HEATR5A: variants seen among roughly 807,000 people sequenced by gnomAD.
HEATR5A encodes the protein HEAT repeat containing 5A.
Under a neutral mutation model 218.8 loss-of-function variants are expected in HEATR5A, and 178 were observed. The observed-to-expected ratio is 0.81, with a 90% CI of 0.72 to 0.92. The LOEUF (loss-of-function observed/expected upper bound fraction) is 0.92. HEATR5A is among the 40% of genes least tolerant of loss of function. The pLI is 0.00. For missense variants in HEATR5A, 2,420 were observed against 2,418.9 expected, an observed-to-expected ratio of 1.00 and a Z score of -0.01; for synonymous variants, 864 against 871.6, an observed-to-expected ratio of 0.99 and a Z score of 0.15.
chr14:31,379,565 A>AT (rs1338345675), intron 11 of HEATR5A, among the ~76,000 whole-genome samples: 2 of 152,154 alleles, frequency 1.3e-5, no homozygotes, highest in Non-Finnish European at 2.9e-5. Flanking sequence ...CAGTTGTTTT[A>AT]TATCTAGCTA....
At chr14:31,350,837 G>T in intron 16 of HEATR5A, 120 bp from the exon 17 acceptor site, 1 of 606,552 alleles carries the variant, frequency 1.6e-6, no homozygotes, top group Non-Finnish European at 2.9e-6. Flanking sequence ...GAGTATACTG[G>T]CACCATCTCG....
intron 22 of HEATR5A, among the ~76,000 whole-genome samples, chr14:31,336,475 C>A (rs1039572672): frequency 6.6e-6 from 1 of 151,656 alleles, no homozygotes; most frequent in Non-Finnish European, 1.5e-5. Context: ...CAGGTGTGAG[C>A]CACCATACCT....
At chr14:31,336,999 G>C (rs1204751541) in intron 22 of HEATR5A, among the ~76,000 whole-genome samples, 1 of 152,170 alleles carries the variant, frequency 6.6e-6, no homozygotes, top group Admixed American at 6.5e-5. Flanking sequence ...GGATACTATA[G>C]GCAATTATAA....
At chr14:31,353,810 T>G (rs1901317433) in intron 16 of HEATR5A, among the ~76,000 whole-genome samples, 1 of 136,500 alleles carries the variant, frequency 7.3e-6, no homozygotes, top group Non-Finnish European at 1.7e-5. Context: ...CATTTTTTGT[T>G]TTTTTTTGAG....
intron 13 of HEATR5A, among the ~76,000 whole-genome samples, chr14:31,367,408 T>C (rs1046463824): frequency 7.9e-5 from 12 of 151,850 alleles, no homozygotes; most frequent in African/African-American, 2.9e-4. Flanking sequence ...TATTTATTTA[T>C]TTATTTTTTG....
chr14:31,375,698 C>G (rs1051167877), intron 11 of HEATR5A, among the ~76,000 whole-genome samples: 3 of 152,060 alleles, frequency 2.0e-5, no homozygotes, highest in Admixed American at 2.0e-4. Flanking sequence ...CATCTGTATT[C>G]TTGATCTTCA....
intron 1 of HEATR5A, among the ~76,000 whole-genome samples, chr14:31,410,241 C>CA (rs538835662): frequency 1.2e-3 from 178 of 152,306 alleles, no homozygotes; most frequent in Middle Eastern, 6.8e-3. Flanking sequence ...GTAACAGCTT[C>CA]AACTCACCCT....
intron 22 of HEATR5A, among the ~76,000 whole-genome samples, chr14:31,336,386 G>A (rs1175291374): frequency 6.6e-6 from 1 of 151,510 alleles, no homozygotes. Flanking sequence ...GAGCTAGTGT[G>A]TCTGGCCCCC....
At chr14:31,363,682 T>A (rs551561382) in intron 14 of HEATR5A, among the ~76,000 whole-genome samples, 12 of 152,038 alleles carry the variant, frequency 7.9e-5, no homozygotes, top group South Asian at 2.1e-4. Context: ...GGAGGTTTTT[T>A]AAAAAAAAGT....
At chr14:31,315,149 C>T (rs748296205) in intron 27 of HEATR5A, among the ~76,000 whole-genome samples, 22 of 151,458 alleles carry the variant, frequency 1.5e-4, no homozygotes, top group Non-Finnish European at 1.9e-4. Flanking sequence ...ACCCCAGCCT[C>T]GTCAACAGAG....
Position 31,400,490 on chromosome 14 carries a change from T to A in HEATR5A, c.149A>T (p.Lys50Met). The stretch of plus-strand genomic sequence containing the variant: ...AGACAGGAGCTGTTCAACAAGAGTC[T>A]TCTGTTTCTCCCTTACATCATTCTA... The part of the protein sequence containing the change: ...TSRNDVREKQ[K>M]TLVEQLLSLL... Residue 50 changes from lysine to methionine, a missense_variant, in exon 3 of 36, where the codon AAG becomes ATG. Coordinates refer to ENST00000543095, the MANE Select transcript of HEATR5A (RefSeq NM_015473.4). 6.5e-7 allele frequency: 1 copy of A among 1,535,242 alleles called. No homozygotes were observed.
rs753807998 is a variant in HEATR5A at position 31,347,891 on chromosome 14, C to T, written c.2725G>A (p.Asp909Asn). 8.6e-6 allele frequency: 13 copies of T among 1,514,838 alleles called. No homozygotes were observed. The highest frequency in any genetic ancestry group is 2.4e-5 in the East Asian group (1 of 40,930). The allele number at this position is 1,514,838 out of a possible 1,614,324, so 93.8% of individuals were successfully genotyped here. Residue 909 changes from aspartate to asparagine, a missense_variant, in exon 19 of 36, where the codon GAT becomes AAT. Transcript: ENST00000543095. ...GAGTGTCCTGTTCTGGTAACCACAT[C>T]CCTTGCTGATTTCAATCTGTAAATA... ...VSFDKLKSAR[D>N]VVTRTGHSLA...
chr14:31,332,847 A>C (rs1369298846), intron 22 of HEATR5A, among the ~76,000 whole-genome samples: 1 of 152,034 alleles, frequency 6.6e-6, no homozygotes, highest in Non-Finnish European at 1.5e-5. Context: ...TTAGCCAGGC[A>C]TGGTGGCGGG....
chr14:31,407,775 TCCA>T (rs2031134264), intron 1 of HEATR5A, among the ~76,000 whole-genome samples: 1 of 152,022 alleles, frequency 6.6e-6, no homozygotes, highest in South Asian at 2.1e-4. Flanking sequence ...ATTACAGGCA[TCCA>T]CCACCACACC....
intron 16 of HEATR5A, among the ~76,000 whole-genome samples, chr14:31,358,147 G>A (rs1234828197): frequency 1.3e-5 from 2 of 152,150 alleles, no homozygotes; most frequent in African/African-American, 4.8e-5. Context: ...CGCCATGGAC[G>A]AACTGTCTTT....
intron 6 of HEATR5A, among the ~76,000 whole-genome samples, chr14:31,393,315 G>C (rs2030525049): frequency 6.6e-6 from 1 of 152,282 alleles, no homozygotes; most frequent in Admixed American, 6.5e-5. Context: ...TTCGAGACCA[G>C]CAGAGCTAAC....
intron 27 of HEATR5A, among the ~76,000 whole-genome samples, chr14:31,315,306 A>T (rs1263197964): frequency 6.6e-6 from 1 of 152,228 alleles, no homozygotes; most frequent in Non-Finnish European, 1.5e-5. Context: ...ATAGTAAATT[A>T]AAAAATACTA....
chr14:31,325,069 G>A (rs1253194481), intron 23 of HEATR5A, among the ~76,000 whole-genome samples: 6 of 152,142 alleles, frequency 3.9e-5, no homozygotes, highest in Non-Finnish European at 8.8e-5. Context: ...AGTTGTGTAG[G>A]CGTAGGACTG....
chr14:31,352,219 C>A (rs145222429), intron 16 of HEATR5A, among the ~76,000 whole-genome samples: 2 of 152,106 alleles, frequency 1.3e-5, no homozygotes, highest in African/African-American at 2.4e-5. Flanking sequence ...ACCTGAAATA[C>A]GCTGAAGATA....
Sources: allele counts gnomAD v4.1 joint callset (sites outside exome capture counted in the v4.1 genomes callset), GRCh38; gene constraint gnomAD v4.1.1; transcripts MANE v1.5; gene names NCBI Gene and HGNC (gene_info 2026-07-23, HGNC 2026-07-21).